The following ADAMTS7 variants were observed in gnomAD, a reference collection of about 807,000 sequenced individuals.
ADAMTS7 encodes the protein A disintegrin and metalloproteinase with thrombospondin motifs 7.
A neutral mutation model predicts 172.6 loss-of-function variants in ADAMTS7; 89 were observed. The observed-to-expected ratio is 0.52, with a 90% confidence interval of 0.43 to 0.61. ADAMTS7 has a LOEUF of 0.61. ADAMTS7 is among the 20% of genes least tolerant of loss of function. The probability of loss-of-function intolerance (pLI) is 0.00; values close to 1 mark genes in which losing one functional copy is unlikely to be tolerated. For missense variants in ADAMTS7, 1,973 were observed against 2,355.6 expected (o/e 0.84, Z 3.36); for synonymous variants, 885 against 978.4 (o/e 0.90, Z 1.78).
chr15:78,792,613 G>A (rs532453732), intron 4 of ADAMTS7, among the ~76,000 whole-genome samples: 8 of 152,282 alleles, frequency 5.3e-5, no homozygotes, highest in African/African-American at 1.9e-4. Flanking sequence ...TCAGGAGTTC[G>A]AGACCAGCCT....
Position 78,766,955 on chromosome 15 carries a change from C to T in ADAMTS7, c.2956G>A (p.Glu986Lys), listed in dbSNP as rs776529847. 2.3e-5 allele frequency: 37 copies of T among 1,610,646 alleles called. No individual in the cohort carries two copies. The highest frequency in any genetic ancestry group is 6.7e-5 in the East Asian group (3 of 44,888). ...CAGAGTGGCAGAGAGCAGGTGACTT[C>T]GCTGGCTGGCTGCTGGGCCTCGTCA... ...PCDEAQQPAS[E>K]VTCSLPLCRW... Residue 986 changes from glutamate to lysine, a missense_variant, in exon 19 of 24, where the codon GAA becomes AAA. Physicochemically the swap from Glu to Lys is moderately conservative, Grantham distance 56. Transcript: ENST00000388820.
At chr15:78,783,557 C>T (rs1185037576) in intron 8 of ADAMTS7, among the ~76,000 whole-genome samples, 4 of 152,008 alleles carry the variant, frequency 2.6e-5, no homozygotes, top group Non-Finnish European at 5.9e-5. Context: ...GGATTACAGG[C>T]GTGAGCCACC....
rs1324101088 is a variant in ADAMTS7 at position 78,776,342 on chromosome 15, A to G, written c.1561-9T>C. On this transcript the variant is annotated splice_polypyrimidine_tract_variant and intron_variant, in intron 10 of 23. Coordinates refer to ENST00000388820, the MANE Select transcript of ADAMTS7 (RefSeq NM_014272.5). ...TCCCCACTGAGACACCACTACTGAG[A>G]CAGACGGAGGTAGAGCCACCCCACC... is the stretch of plus-strand genomic sequence containing the variant. 1 of 1,609,686 alleles carries G rather than the reference A, an allele frequency of 6.2e-7. No homozygotes were observed. Among genetic ancestry groups the G allele is most frequent in the South Asian group, 1.1e-5 (1 of 90,844 alleles).
At chr15:78,796,869 T>G in intron 3 of ADAMTS7, 83 bp from the exon 4 acceptor site, 12 of 1,289,570 alleles carry the variant, frequency 9.3e-6, no homozygotes, top group Non-Finnish European at 1.0e-5. Flanking sequence ...CAGTGAGCTC[T>G]CTCTGGGGCA....
rs776581990 is a variant in ADAMTS7 at position 78,774,700 on chromosome 15, G to T, written c.1800C>A (p.Arg600=). The change falls in exon 12 of 24, where the codon CGC becomes CGA. Residue 600 remains arginine (R), a synonymous_variant. Transcript: ENST00000388820. ...QACPAGRPSF[R]HVQCSHFDAM... ...CGTCAAAGTGGCTGCACTGGACGTG[G>T]CGGAAGGAGGGGCGGCCAGCAGGGC... is the stretch of plus-strand genomic sequence containing the variant. 3.1e-5 allele frequency: 50 copies of T among 1,611,688 alleles called. 2 individuals carry two copies. In the South Asian group the frequency reaches 5.1e-4, roughly 16 times the overall value.
intron 4 of ADAMTS7, among the ~76,000 whole-genome samples, chr15:78,793,301 T>C (rs570053320): frequency 6.6e-6 from 1 of 152,222 alleles, no homozygotes; most frequent in East Asian, 1.9e-4. Context: ...TCTCAATGCA[T>C]ATTTACTTTG....
At chr15:78,776,898 C>A in intron 9 of ADAMTS7, 57 bp from the exon 10 acceptor site, 3 of 1,410,942 alleles carry the variant, frequency 2.1e-6, no homozygotes, top group Non-Finnish European at 2.9e-6. Flanking sequence ...CCGCCACCCA[C>A]CCTGCCCCCC....
Position 78,776,695 on chromosome 15 carries a change from G to T in ADAMTS7, c.1560+54C>A. 2.0e-6 allele frequency: 3 copies of T among 1,494,882 alleles called. No homozygotes were observed. The South Asian group carries it at 3.6e-5, about 18-fold the overall frequency. 92.6% of individuals were successfully genotyped at this position (1,494,882 alleles called of 1,614,324 possible). ...GGGCTGACCCCAGGGCCTGGTCACA[G>T]CAGGAAGTCTGGCCTCTCACACACC... On this transcript the variant is annotated intron_variant, in intron 10 of 23. Coordinates refer to ENST00000388820, the MANE Select transcript of ADAMTS7 (RefSeq NM_014272.5).
intron 9 of ADAMTS7, chr15:78,777,061 A>T: frequency 1.7e-6 from 1 of 579,888 alleles, no homozygotes; most frequent in Admixed American, 3.0e-5. Context: ...AGCGGTCCCC[A>T]GCTGTCCACA....
chr15:78,790,819 C>T (rs2055569805), intron 5 of ADAMTS7, 25 bp from the exon 6 acceptor site: 1 of 1,611,532 alleles, frequency 6.2e-7, no homozygotes. Flanking sequence ...AGTGACTGCT[C>T]ATGCCTCCCC....
At chr15:78,810,831 C>A in intron 1 of ADAMTS7, 1 of 287,692 alleles carries the variant, frequency 3.5e-6, no homozygotes, top group Non-Finnish European at 6.4e-6. Flanking sequence ...TTGCTGCACC[C>A]GAGGTGGGGA....
chr15:78,774,230 G>T lies in ADAMTS7; in HGVS notation c.1947C>A (p.Val649=), dbSNP rs375583815. The change falls in exon 13 of 24, where the codon GTC becomes GTA. Residue 649 remains valine, a synonymous_variant. Transcript: ENST00000388820. The part of the protein sequence containing the change: ...YFAEKLRDAV[V]DGTPCYQVRA... ...GGACCTGGTAGCAGGGGGTGCCATC[G>T]ACCACGGCGTCCCGCAGCTTCTCGG... 1 of 1,587,000 alleles carries T rather than the reference G, an allele frequency of 6.3e-7. No homozygotes were observed. The highest frequency in any genetic ancestry group is 1.3e-5 in the African/African-American group (1 of 74,876).
chr15:78,776,217 C>A lies in ADAMTS7; in HGVS notation c.1677G>T (p.Gln559His). 1 of 1,611,518 alleles carries A rather than the reference C, an allele frequency of 6.2e-7. No individual in the cohort carries two copies. Among genetic ancestry groups the A allele is most frequent in the Non-Finnish European group, 8.5e-7 (1 of 1,179,804 alleles). Residue 559 changes from glutamine (Q) to histidine (H), a missense_variant, in exon 11 of 24, where the codon CAG becomes CAT. Around this residue, in one of 8 missense-constraint regions of ADAMTS7, gnomAD observed 526 missense variants for 662.9 expected, o/e 0.79. Transcript: ENST00000388820. ...ICSRSCGMGV[Q>H]SAERQCTQPT... is the part of the protein sequence containing the mutation. ...GCTGCGTGCACTGCCGCTCGGCGCT[C>A]TGTACGCCCATGCCACAGCTCCGTG...
intron 1 of ADAMTS7, 100 bp from the exon 2 acceptor site, chr15:78,800,647 G>A: frequency 9.2e-7 from 1 of 1,090,792 alleles, no homozygotes; most frequent in African/African-American, 1.6e-5. Context: ...GGCTGCTGGA[G>A]TCAGAGTATC....
At chr15:78,797,836 C>G in intron 3 of ADAMTS7, 112 bp downstream of exon 3, 1 of 1,217,264 alleles carries the variant, frequency 8.2e-7, no homozygotes, top group Non-Finnish European at 1.1e-6. Flanking sequence ...CTGTCTGTGT[C>G]ATCTGGTCTA....
intron 1 of ADAMTS7, among the ~76,000 whole-genome samples, chr15:78,804,448 C>G (rs2055763427): frequency 6.6e-6 from 1 of 152,188 alleles, no homozygotes; most frequent in Non-Finnish European, 1.5e-5. Flanking sequence ...CTCCCAGGAT[C>G]CTGGCTGTTC....
chr15:78,787,562 G>A (rs530132345), intron 8 of ADAMTS7, among the ~76,000 whole-genome samples: 38 of 152,264 alleles, frequency 2.5e-4, no homozygotes, highest in South Asian at 1.7e-3. Context: ...TACTCAGGAG[G>A]CTGAGGCAGG....
Position 78,774,669 on chromosome 15 carries a change from G to A in ADAMTS7, c.1831C>T (p.Leu611Phe). 1 of 1,611,748 alleles carries A rather than the reference G, an allele frequency of 6.2e-7. No individual in the cohort carries two copies. Among genetic ancestry groups the A allele is most frequent in the Non-Finnish European group, 8.5e-7 (1 of 1,179,826 alleles). The change falls in exon 12 of 24, where the codon CTC becomes TTC. Residue 611 changes from leucine to phenylalanine, a missense_variant. Physicochemically the swap from Leu to Phe is conservative, Grantham distance 22. This residue lies in a region of ADAMTS7 where 526 missense variants were observed against 662.9 expected (regional missense o/e 0.79). Coordinates refer to ENST00000388820, the MANE Select transcript of ADAMTS7 (RefSeq NM_014272.5). ...CATGTGTGCAGCTGGCCCTTGTAGA[G>A]CATAGCGTCAAAGTGGCTGCACTGG... Reference protein sequence around the residue: ...HVQCSHFDAMLYKGQLHTWVP... With the variant: ...HVQCSHFDAMFYKGQLHTWVP...
intron 1 of ADAMTS7, among the ~76,000 whole-genome samples, chr15:78,810,220 A>C (rs1430267384): frequency 6.6e-6 from 1 of 152,120 alleles, no homozygotes; most frequent in Non-Finnish European, 1.5e-5. Context: ...CCATCCTTCC[A>C]GTCTCTCCAA....
Sources: gnomAD v4.1 joint callset for allele counts (sites outside exome capture counted in the v4.1 genomes callset) on GRCh38, gnomAD v4.1.1 for gene constraint, gnomAD v4.1.1 regional missense constraint, MANE v1.5 for transcripts, NCBI Gene and HGNC (gene_info 2026-07-23, HGNC 2026-07-21) for gene names.